Variants in RGS7 observed in about 807,000 individuals in gnomAD.
RGS7 encodes regulator of G-protein signaling 7.
In RGS7, 27 loss-of-function variants were observed where a neutral mutation model predicts 81.1. That is an observed-to-expected ratio of 0.33 (90% CI 0.25 to 0.46). RGS7 has a LOEUF of 0.46. Ranked by LOEUF, RGS7 falls within the 20% of genes least tolerant of loss-of-function variation. The probability of loss-of-function intolerance (pLI) is 1.00; values close to 1 mark genes in which losing one functional copy is unlikely to be tolerated. For missense variants in RGS7, 396 were observed against 607.4 expected (o/e 0.65, Z 3.66); for synonymous variants, 208 against 207.7 (o/e 1.00, Z -0.01).
intron 2 of RGS7, among the ~76,000 whole-genome samples, chr1:241,314,150 A>G (rs1322630557): frequency 6.6e-6 from 1 of 152,266 alleles, no homozygotes; most frequent in African/African-American, 2.4e-5. Context: ...GGCCTGACAG[A>G]ATTGACTTCA....
chr1:241,029,758 C>T (rs988872340), intron 3 of RGS7, among the ~76,000 whole-genome samples: 1 of 152,182 alleles, frequency 6.6e-6, no homozygotes, highest in Non-Finnish European at 1.5e-5. Context: ...GATTTCACAA[C>T]ATCAGTACAC....
intron 2 of RGS7, among the ~76,000 whole-genome samples, chr1:241,290,957 G>A (rs748603072): frequency 5.9e-5 from 9 of 152,122 alleles, no homozygotes; most frequent in Non-Finnish European, 8.8e-5. Context: ...AAATGGCACC[G>A]GTAAAGTGTC....
chr1:241,174,460 G>A (rs1357972134), intron 2 of RGS7, among the ~76,000 whole-genome samples: 1 of 152,306 alleles, frequency 6.6e-6, no homozygotes, highest in African/African-American at 2.4e-5. Flanking sequence ...AGAATGAGGA[G>A]GCACTGATGC....
chr1:241,252,714 C>T (rs1001224203), intron 2 of RGS7, among the ~76,000 whole-genome samples: 23 of 152,190 alleles, frequency 1.5e-4, no homozygotes, highest in Admixed American at 4.6e-4. Context: ...TGCAACCACA[C>T]ATAGCTTTTA....
At chr1:241,117,606 A>G (rs2065961202) in intron 2 of RGS7, among the ~76,000 whole-genome samples, 1 of 152,322 alleles carries the variant, frequency 6.6e-6, no homozygotes, top group East Asian at 1.9e-4. Flanking sequence ...AACTGCAGCA[A>G]TGAGAAAACT....
intron 2 of RGS7, among the ~76,000 whole-genome samples, chr1:241,172,038 C>A (rs1417640676): frequency 6.6e-6 from 1 of 152,150 alleles, no homozygotes; most frequent in Admixed American, 6.6e-5. Context: ...AAATGGAAAA[C>A]TGTGGAATAG....
intron 2 of RGS7, among the ~76,000 whole-genome samples, chr1:241,143,277 T>C (rs1485230525): frequency 1.3e-5 from 2 of 152,226 alleles, no homozygotes; most frequent in African/African-American, 4.8e-5. Context: ...GGGTATCTTT[T>C]CAGCAATACC....
At position 240,823,900 on chromosome 1, in the gene RGS7, T is replaced by C. The variant is rs1030622641; in HGVS notation, c.684+3198A>G. ...ATCTATTACAGTAAAAATTTTAGTATCGGACTCAAGAACATCAGACCGACA... is the reference window on the plus strand; with the variant it reads ...ATCTATTACAGTAAAAATTTTAGTACCGGACTCAAGAACATCAGACCGACA... On this transcript the variant is annotated intron_variant, in intron 10 of 18. Transcript: ENST00000440928. 9.4e-5 allele frequency among the ~76,000 whole-genome samples: 14 copies of C among 149,602 alleles called. 1 individual carries two copies. The Admixed American group carries it at 9.4e-4, about 10-fold the overall frequency.
At chr1:241,048,541 G>A (rs926190053) in intron 3 of RGS7, among the ~76,000 whole-genome samples, 10 of 151,978 alleles carry the variant, frequency 6.6e-5, no homozygotes, top group South Asian at 4.2e-4. Flanking sequence ...ACTATATGGC[G>A]GCTCATTTTT....
intron 2 of RGS7, among the ~76,000 whole-genome samples, chr1:241,238,561 T>C (rs1160205415): frequency 6.6e-6 from 1 of 152,030 alleles, no homozygotes; most frequent in Non-Finnish European, 1.5e-5. Context: ...TTTAGAGGAG[T>C]TTCACTCTGT....
At chr1:240,934,260 T>A (rs970133822) in intron 5 of RGS7, among the ~76,000 whole-genome samples, 2 of 152,206 alleles carry the variant, frequency 1.3e-5, no homozygotes, top group African/African-American at 4.8e-5. Flanking sequence ...GCGCCCAGCC[T>A]AGATTCTTAA....
Position 241,259,667 on chromosome 1 carries a change from A to AATATAT in RGS7, c.78+96026_78+96031dup, listed in dbSNP as rs59037983. Reference sequence around the variant, plus strand: ...CTCCGTCTCAAAAAAAAAAAAAAAAAATATATATATATATATATAATTAAA... The same window carrying AATATAT: ...CTCCGTCTCAAAAAAAAAAAAAAAAAATATATATATATATATATATATATAATTAAA... On this transcript the variant is annotated intron_variant, in intron 2 of 18. Coordinates refer to ENST00000440928, the MANE Select transcript of RGS7 (RefSeq NM_001364886.1). Among the ~76,000 whole-genome samples, 125 of 49,054 alleles carry AATATAT rather than the reference A, an allele frequency of 2.5e-3. 5 individuals carry two copies. The highest frequency in any genetic ancestry group is 6.1e-3 in the East Asian group (10 of 1,634). The allele number at this position is 49,054 out of a possible 152,430, so 32.2% of individuals were successfully genotyped here. A position where few individuals can be genotyped will look rare whatever the true frequency, so the allele number is the denominator to read the frequency against.
At chr1:241,068,238 G>GTGTATATATA in intron 3 of RGS7, among the ~76,000 whole-genome samples, 3 of 35,676 alleles carry the variant, frequency 8.4e-5, no homozygotes, top group Admixed American at 4.1e-4. Flanking sequence ...GTGTGTGTGT[G>GTGTATATATA]TATATATATA....
intron 2 of RGS7, among the ~76,000 whole-genome samples, chr1:241,221,023 AAGGAAGGAAGGAAGGAAAAG>A (rs1332839231): frequency 8.8e-6 from 1 of 113,838 alleles, no homozygotes; most frequent in Admixed American, 8.6e-5. Flanking sequence ...GGAAGGAAGG[AAGGAAGGAAGGAAGGAAAAG>A]AAAGAAAGAA....
At chr1:241,030,231 CT>C (rs2059998568) in intron 3 of RGS7, among the ~76,000 whole-genome samples, 1 of 151,754 alleles carries the variant, frequency 6.6e-6, no homozygotes. Flanking sequence ...TTTCCTTTTT[CT>C]TTTACATCAG....
At chr1:240,944,086 C>T (rs749528426) in intron 4 of RGS7, among the ~76,000 whole-genome samples, 3 of 151,796 alleles carry the variant, frequency 2.0e-5, no homozygotes, top group Non-Finnish European at 4.4e-5. Flanking sequence ...CTTAGGCATT[C>T]TGCATAGATG....
At chr1:241,026,999 C>T (rs2059820257) in intron 3 of RGS7, among the ~76,000 whole-genome samples, 1 of 150,272 alleles carries the variant, frequency 6.7e-6, no homozygotes, top group South Asian at 2.1e-4. Context: ...AGGTTCCAGC[C>T]TCAGCAACAT....
At chr1:241,318,640 T>C (rs2081029265) in intron 2 of RGS7, among the ~76,000 whole-genome samples, 1 of 151,902 alleles carries the variant, frequency 6.6e-6, no homozygotes, top group Admixed American at 6.6e-5. Flanking sequence ...ATTTTTGTTG[T>C]TGTTGTTGTA....
intron 2 of RGS7, among the ~76,000 whole-genome samples, chr1:241,255,167 T>C (rs1211116342): frequency 6.6e-6 from 1 of 152,240 alleles, no homozygotes; most frequent in Non-Finnish European, 1.5e-5. Flanking sequence ...TTAATTCATC[T>C]GAGTGATAAA....
Sources: gnomAD v4.1 joint callset for allele counts (sites outside exome capture counted in the v4.1 genomes callset) on GRCh38, gnomAD v4.1.1 for gene constraint, MANE v1.5 for transcripts, NCBI Gene and HGNC (gene_info 2026-07-23, HGNC 2026-07-21) for gene names.